Variants in ATP2B2 observed in about 807,000 individuals in gnomAD.
The protein encoded by ATP2B2 is plasma membrane calcium-transporting ATPase 2.
ATP2B2 carries 15 observed loss-of-function variants against 120.0 expected under a neutral mutation model. The observed-to-expected ratio is 0.12, with a 90% CI of 0.08 to 0.19. The LOEUF is 0.19. Among genes scored for constraint, ATP2B2 ranks in the 10% least tolerant of loss-of-function variants. ATP2B2 has a pLI of 1.00. For missense variants in ATP2B2, 1,045 were observed against 1,719.8 expected (o/e 0.61, Z 6.94); for synonymous variants, 694 against 700.3 (o/e 0.99, Z 0.14).
intron 1 of ATP2B2, among the ~76,000 whole-genome samples, chr3:10,672,223 C>T (rs769928493): frequency 1.2e-4 from 18 of 152,208 alleles, no homozygotes; most frequent in Non-Finnish European, 1.8e-4. Flanking sequence ...CAAGTCAGTA[C>T]AGCTTTCCAA....
At chr3:10,334,559 T>A (rs748535338) in intron 22 of ATP2B2, among the ~76,000 whole-genome samples, 2 of 152,038 alleles carry the variant, frequency 1.3e-5, no homozygotes, top group South Asian at 2.1e-4. Context: ...AGTGACGGTA[T>A]CTCATGGAAA....
chr3:10,422,478 G>A (rs866292623), intron 2 of ATP2B2, among the ~76,000 whole-genome samples: 3 of 152,320 alleles, frequency 2.0e-5, no homozygotes, highest in Middle Eastern at 3.4e-3. Context: ...AGGGTAAGGG[G>A]TGTCTCTCTG....
Position 10,379,268 on chromosome 3 carries a change from G to A in ATP2B2, c.1017C>T (p.Gly339=), listed in dbSNP as rs1352915034. Reference sequence around the variant, plus strand: ...CTTTGCTCTGGCTGGCGTCCACATTGCCATCCTGCATTTTACCTACACGAC... The same window carrying A: ...CTTTGCTCTGGCTGGCGTCCACATTACCATCCTGCATTTTACCTACACGAC... ...ASLVNGKMQD[G]NVDASQSKAK... is the part of the protein sequence containing the mutation. The change falls in exon 9 of 23, where the codon GGC becomes GGT. Residue 339 remains glycine (G), a synonymous_variant. Transcript: ENST00000360273. 1.9e-6 allele frequency: 3 copies of A among 1,613,946 alleles called. No individual in the cohort carries two copies. The highest frequency in any genetic ancestry group is 1.3e-5 in the African/African-American group (1 of 74,964).
intron 2 of ATP2B2, among the ~76,000 whole-genome samples, chr3:10,448,302 T>C (rs1575256336): frequency 6.6e-6 from 1 of 152,218 alleles, no homozygotes; most frequent in Non-Finnish European, 1.5e-5. Context: ...CATTGTCAGG[T>C]AGGCATTGGC....
chr3:10,673,297 C>T (rs1419354888), intron 1 of ATP2B2, among the ~76,000 whole-genome samples: 2 of 152,120 alleles, frequency 1.3e-5, no homozygotes, highest in Admixed American at 6.5e-5. Context: ...CCCAGGACAT[C>T]GCTGCAACAG....
At chr3:10,337,509 G>T (rs1265064697) in intron 22 of ATP2B2, among the ~76,000 whole-genome samples, 1 of 152,060 alleles carries the variant, frequency 6.6e-6, no homozygotes, top group Non-Finnish European at 1.5e-5. Flanking sequence ...TGTGTGGGGG[G>T]GTCGGGGGAG....
chr3:10,689,976 C>A (rs926148316), intron 1 of ATP2B2, among the ~76,000 whole-genome samples: 1 of 152,318 alleles, frequency 6.6e-6, no homozygotes, highest in South Asian at 2.1e-4. Flanking sequence ...GAGTCCAGAA[C>A]CAAAGGGAGG....
chr3:10,389,302 C>A (rs1366424790), intron 5 of ATP2B2, among the ~76,000 whole-genome samples: 2 of 152,168 alleles, frequency 1.3e-5, no homozygotes, highest in African/African-American at 4.8e-5. Context: ...GGCAGCCTCT[C>A]CACCATGCAG....
chr3:10,585,135 G>T (rs1343503062), intron 2 of ATP2B2, among the ~76,000 whole-genome samples: 1 of 152,096 alleles, frequency 6.6e-6, no homozygotes, highest in African/African-American at 2.4e-5. Context: ...CAGCCAGATG[G>T]ATCATTCCAA....
chr3:10,684,004 C>G (rs936995123), intron 1 of ATP2B2, among the ~76,000 whole-genome samples: 3 of 151,764 alleles, frequency 2.0e-5, no homozygotes, highest in African/African-American at 7.3e-5. Flanking sequence ...CTCATCTACC[C>G]TTGTAGTGAG....
intron 2 of ATP2B2, among the ~76,000 whole-genome samples, chr3:10,548,510 T>A (rs528005047): frequency 6.6e-6 from 1 of 152,172 alleles, no homozygotes; most frequent in Non-Finnish European, 1.5e-5. Context: ...TAATGATTGA[T>A]GGGTGTTGGC....
At chr3:10,659,932 A>G (rs13080645) in intron 1 of ATP2B2, among the ~76,000 whole-genome samples, 33,211 of 151,730 alleles carry the variant, frequency 0.22, 6,091 homozygotes, top group African/African-American at 0.5. Flanking sequence ...TAGAACTCAG[A>G]ATTAAGAAAC....
At chr3:10,388,231 T>C (rs769682635) in intron 6 of ATP2B2, 46 bp downstream of exon 6, 11 of 1,613,058 alleles carry the variant, frequency 6.8e-6, no homozygotes, top group South Asian at 4.4e-5. Context: ...AAAAAAAATG[T>C]GGCCTTAAGA....
chr3:10,351,352 G>C (rs144027642), intron 14 of ATP2B2, among the ~76,000 whole-genome samples: 4 of 151,924 alleles, frequency 2.6e-5, no homozygotes, highest in African/African-American at 9.7e-5. Flanking sequence ...TCAATGGAAC[G>C]AGTGATTCTT....
intron 5 of ATP2B2, among the ~76,000 whole-genome samples, chr3:10,398,227 C>T (rs1169395206): frequency 1.3e-5 from 2 of 152,194 alleles, no homozygotes; most frequent in Non-Finnish European, 2.9e-5. Flanking sequence ...AGATTACCAG[C>T]GACCCAAGAA....
rs377591800 is a variant in ATP2B2, at chr3:10,472,049, C to T, written c.-319-22187G>A. On this transcript the variant is annotated intron_variant, in intron 1 of 22. Transcript: ENST00000360273. Reference sequence around the variant, plus strand: ...TGAGCCGAGATTGCGCCACTGCACTCCCGCCTGGGCCACAGAGCGAGACTC... The same window carrying T: ...TGAGCCGAGATTGCGCCACTGCACTTCCGCCTGGGCCACAGAGCGAGACTC... Among the ~76,000 whole-genome samples the T allele has an allele frequency of 2.0e-5, 3 of 147,492 alleles. 1 individual carries two copies. Among genetic ancestry groups the T allele is most frequent in the African/African-American group, 7.5e-5 (3 of 39,896 alleles).
chr3:10,672,348 T>A (rs185324717), intron 1 of ATP2B2, among the ~76,000 whole-genome samples: 1 of 152,316 alleles, frequency 6.6e-6, no homozygotes, highest in East Asian at 1.9e-4. Flanking sequence ...CCTTTATTTC[T>A]GTCATCCTGT....
chr3:10,600,208 TGGCCTAG>T (rs2068870637), intron 2 of ATP2B2, among the ~76,000 whole-genome samples: 1 of 152,232 alleles, frequency 6.6e-6, no homozygotes, highest in Admixed American at 6.5e-5. Flanking sequence ...ATCTTTCTCT[TGGCCTAG>T]GGGTTTCATT....
rs1322459472 is a variant in ATP2B2, at chr3:10,345,332, T to TG, written c.2703+51dup. On this transcript the variant is annotated intron_variant, in intron 18 of 22. Coordinates refer to ENST00000360273, the MANE Select transcript of ATP2B2 (RefSeq NM_001001331.4). Reference sequence around the variant, plus strand: ...GTACCCTAAGGCCCCCGAGCCTCTGTGGGGGGTCTCCGCCCTCCCCCAGGC... The same window carrying TG: ...GTACCCTAAGGCCCCCGAGCCTCTGTGGGGGGGTCTCCGCCCTCCCCCAGGC... The TG allele has an allele frequency of 5.0e-6, 8 of 1,598,706 alleles. No homozygotes were observed. The East Asian group carries it at 6.7e-5, about 13-fold the overall frequency.
Sources: gnomAD v4.1 joint callset for allele counts (sites outside exome capture counted in the v4.1 genomes callset) on GRCh38, gnomAD v4.1.1 for gene constraint, MANE v1.5 for transcripts, NCBI Gene and HGNC (gene_info 2026-07-23, HGNC 2026-07-21) for gene names.